FRMD4A: variants seen among roughly 807,000 people sequenced by gnomAD.
The protein encoded by FRMD4A is FERM domain containing 4A.
A neutral mutation model predicts 129.1 loss-of-function variants in FRMD4A; 29 were observed. The ratio of observed to expected loss-of-function variants is 0.22; its 90% CI spans 0.17 to 0.31. The LOEUF is 0.31. Ranked by LOEUF, FRMD4A falls within the 10% of genes least tolerant of loss-of-function variation. FRMD4A has a pLI of 1.00. For missense variants in FRMD4A, 1,272 were observed against 1,375.8 expected (o/e 0.92, Z 1.19); for synonymous variants, 634 against 571.6 (o/e 1.11, Z -1.56).
intron 12 of FRMD4A, among the ~76,000 whole-genome samples, chr10:13,731,201 A>G (rs1397579163): frequency 6.6e-6 from 1 of 152,188 alleles, no homozygotes; most frequent in Non-Finnish European, 1.5e-5. Flanking sequence ...AAAGCACTCA[A>G]AGGGATGTCC....
intron 2 of FRMD4A, among the ~76,000 whole-genome samples, chr10:14,215,050 C>T (rs1275796975): frequency 6.6e-6 from 1 of 152,006 alleles, no homozygotes; most frequent in Admixed American, 6.6e-5. Flanking sequence ...AAAGATAAAA[C>T]ATATACAGTT....
At chr10:13,847,992 T>C (rs1021810672) in intron 3 of FRMD4A, among the ~76,000 whole-genome samples, 2 of 152,244 alleles carry the variant, frequency 1.3e-5, no homozygotes, top group African/African-American at 2.4e-5. Flanking sequence ...ATCCTTATGC[T>C]CTACATAGAG....
At chr10:13,859,213 C>T (rs374059796) in intron 2 of FRMD4A, among the ~76,000 whole-genome samples, 7 of 152,038 alleles carry the variant, frequency 4.6e-5, no homozygotes, top group African/African-American at 7.2e-5. Flanking sequence ...GGAGAAACCC[C>T]GTCTCTACTA....
intron 6 of FRMD4A, among the ~76,000 whole-genome samples, chr10:13,781,826 GGAAGGGGA>G (rs1335796141): frequency 1.7e-5 from 1 of 58,008 alleles, no homozygotes; most frequent in Non-Finnish European, 2.9e-5. Flanking sequence ...AGGAAAACGG[GGAAGGGGA>G]AGTTGTTTAA....
intron 2 of FRMD4A, among the ~76,000 whole-genome samples, chr10:14,114,484 T>G (rs1405553855): frequency 2.0e-5 from 3 of 152,256 alleles, no homozygotes; most frequent in Non-Finnish European, 4.4e-5. Context: ...GCCATAATTC[T>G]AATAAGCCCA....
At chr10:14,085,973 A>C (rs1425720128) in intron 2 of FRMD4A, among the ~76,000 whole-genome samples, 1 of 152,188 alleles carries the variant, frequency 6.6e-6, no homozygotes, top group Admixed American at 6.5e-5. Context: ...TCTGTCTTCC[A>C]CTTTAATACG....
chr10:14,056,419 T>C (rs1290531103), intron 2 of FRMD4A, among the ~76,000 whole-genome samples: 1 of 150,252 alleles, frequency 6.7e-6, no homozygotes. Flanking sequence ...AAATTTAAAG[T>C]TTTTTCCCCC....
chr10:13,681,278 T>C (rs756513510), intron 15 of FRMD4A, among the ~76,000 whole-genome samples: 9 of 152,182 alleles, frequency 5.9e-5, no homozygotes, highest in Non-Finnish European at 1.0e-4. Context: ...CATTAACCAG[T>C]GCCTAAAGGA....
At chr10:13,854,911 T>C (rs902424457) in intron 3 of FRMD4A, among the ~76,000 whole-genome samples, 3 of 152,192 alleles carry the variant, frequency 2.0e-5, no homozygotes, top group African/African-American at 4.8e-5. Flanking sequence ...TTCCAGCTGC[T>C]CTTAAGTGGA....
intron 11 of FRMD4A, among the ~76,000 whole-genome samples, chr10:13,739,556 A>C (rs1257989679): frequency 6.6e-6 from 1 of 152,258 alleles, no homozygotes; most frequent in Non-Finnish European, 1.5e-5. Context: ...TTTGAAAATC[A>C]CAAGCCCTGC....
At chr10:13,945,046 C>A (rs1394617917) in intron 2 of FRMD4A, among the ~76,000 whole-genome samples, 1 of 152,158 alleles carries the variant, frequency 6.6e-6, no homozygotes, top group East Asian at 1.9e-4. Context: ...TCCGGTCTCT[C>A]CACCAGCAAC....
Position 13,803,561 on chromosome 10 carries a change from C to G in FRMD4A, c.207-6973G>C, listed in dbSNP as rs558688474. ...CTGTGATGCCCAGGTTGGCCTCAAA[C>G]TTCTGGCCTCAAGCAATCTTCCCAC... On this transcript the variant is annotated intron_variant, in intron 4 of 24. Transcript: ENST00000357447. Among the ~76,000 whole-genome samples the G allele has an allele frequency of 2.6e-5, 4 of 152,024 alleles. No homozygotes were observed. In the South Asian group the frequency reaches 8.3e-4, roughly 32 times the overall value.
chr10:13,891,740 G>A, intron 2 of FRMD4A: 1 of 984,040 alleles, frequency 1.0e-6, no homozygotes, highest in Non-Finnish European at 1.2e-6. Context: ...AGGCGGCCTT[G>A]GCGCCCGCAG....
chr10:13,818,556 A>G (rs918376330), intron 3 of FRMD4A, among the ~76,000 whole-genome samples: 1 of 152,154 alleles, frequency 6.6e-6, no homozygotes, highest in Admixed American at 6.5e-5. Flanking sequence ...ACCCATTCGA[A>G]AAAACTTGAA....
chr10:14,297,824 G>C (rs1208833790), intron 2 of FRMD4A, among the ~76,000 whole-genome samples: 2 of 152,188 alleles, frequency 1.3e-5, no homozygotes, highest in East Asian at 3.8e-4. Flanking sequence ...GAGCCTTATG[G>C]TGACTGGAGA....
chr10:13,713,331 CTCTT>C (rs1395627976), intron 12 of FRMD4A, among the ~76,000 whole-genome samples: 2 of 152,242 alleles, frequency 1.3e-5, no homozygotes, highest in African/African-American at 2.4e-5. Context: ...TGGTCCTGGG[CTCTT>C]TCTAACACAC....
chr10:14,269,592 G>A (rs958120353), intron 2 of FRMD4A, among the ~76,000 whole-genome samples: 2 of 152,054 alleles, frequency 1.3e-5, no homozygotes, highest in Non-Finnish European at 2.9e-5. Flanking sequence ...CCCCAACAGA[G>A]AAAAGTTATC....
At chr10:14,141,349 C>T (rs897490968) in intron 2 of FRMD4A, among the ~76,000 whole-genome samples, 3 of 152,164 alleles carry the variant, frequency 2.0e-5, no homozygotes, top group African/African-American at 7.2e-5. Context: ...AAATGAGGCT[C>T]TAACAGCAGG....
At chr10:13,900,300 C>T (rs2610804) in intron 2 of FRMD4A, among the ~76,000 whole-genome samples, 75,444 of 151,850 alleles carry the variant, frequency 0.5, 19,182 homozygotes, top group Non-Finnish European at 0.53. Flanking sequence ...TTGAAATAAC[C>T]AAGTTTTATA....
Sources: gnomAD v4.1 joint callset for allele counts (sites outside exome capture counted in the v4.1 genomes callset) on GRCh38, gnomAD v4.1.1 for gene constraint, MANE v1.5 for transcripts, NCBI Gene and HGNC (gene_info 2026-07-23, HGNC 2026-07-21) for gene names.